SMYD3: variants seen among roughly 807,000 people sequenced by gnomAD.
SMYD3 encodes the protein SET and MYND domain containing 3.
In SMYD3, 36 loss-of-function variants were observed where a neutral mutation model predicts 57.7. The observed-to-expected ratio is 0.62, with a 90% confidence interval of 0.48 to 0.82. The LOEUF is 0.82. Ranked by LOEUF, SMYD3 falls within the 40% of genes least tolerant of loss-of-function variation. SMYD3 has a pLI of 0.00. For synonymous variants in SMYD3, 211 were observed against 195.0 expected (o/e 1.08, Z -0.68); for missense variants, 515 against 538.8 (o/e 0.96, Z 0.44).
At chr1:246,084,665 G>C (rs2060695195) in intron 5 of SMYD3, among the ~76,000 whole-genome samples, 1 of 152,084 alleles carries the variant, frequency 6.6e-6, no homozygotes, top group African/African-American at 2.4e-5. Context: ...GTATTTACGA[G>C]GGTCATTGTT....
chr1:245,839,454 C>T lies in SMYD3; in HGVS notation c.1076+19042G>A, dbSNP rs541078510. Among the ~76,000 whole-genome samples the T allele has an allele frequency of 2.6e-5, 4 of 151,954 alleles. No homozygotes were observed. The East Asian group carries it at 5.8e-4, about 22-fold the overall frequency. On this transcript the variant is annotated intron_variant, in intron 10 of 11. Transcript: ENST00000490107. Reference sequence around the variant, plus strand: ...AAAGTGCTGGGATTACAGGCATGAGCCACTGTGCCCAGCCCAGGCCAGCCT... The same window carrying T: ...AAAGTGCTGGGATTACAGGCATGAGTCACTGTGCCCAGCCCAGGCCAGCCT...
At chr1:245,866,510 T>C (rs1249797322) in intron 8 of SMYD3, among the ~76,000 whole-genome samples, 2 of 152,072 alleles carry the variant, frequency 1.3e-5, no homozygotes, top group Admixed American at 6.5e-5. Flanking sequence ...GACAGGTGGA[T>C]CACCTGAGGT....
At chr1:245,920,119 C>T (rs4654170) in intron 7 of SMYD3, among the ~76,000 whole-genome samples, 7 of 151,844 alleles carry the variant, frequency 4.6e-5, no homozygotes, top group Admixed American at 2.6e-4. Context: ...TGAGACCATC[C>T]TGGCTAACAC....
intron 5 of SMYD3, among the ~76,000 whole-genome samples, chr1:245,983,263 A>G (rs2058638342): frequency 6.6e-6 from 1 of 152,252 alleles, no homozygotes; most frequent in Non-Finnish European, 1.5e-5. Flanking sequence ...ATATAAATGC[A>G]TTTTCATCAA....
intron 5 of SMYD3, among the ~76,000 whole-genome samples, chr1:246,025,099 T>C (rs1286563301): frequency 7.1e-6 from 1 of 141,542 alleles, no homozygotes; most frequent in African/African-American, 2.8e-5. Flanking sequence ...GTGGACAGCA[T>C]CTAGGAAGGA....
intron 10 of SMYD3, among the ~76,000 whole-genome samples, chr1:245,826,334 G>A (rs1232267413): frequency 1.3e-5 from 2 of 152,046 alleles, no homozygotes; most frequent in Non-Finnish European, 2.9e-5. Flanking sequence ...GTGTCTGCAA[G>A]CTTCATCCAT....
Position 245,959,259 on chromosome 1 carries a change from G to T in SMYD3, c.532-29322C>A, listed in dbSNP as rs190134109. Among the ~76,000 whole-genome samples the T allele has an allele frequency of 2.4e-3, 368 of 152,320 alleles. 2 individuals are homozygous for T. The highest frequency in any genetic ancestry group is 4.6e-3 in the Non-Finnish European group (310 of 68,030). On this transcript the variant is annotated intron_variant, in intron 5 of 11. Transcript: ENST00000490107. ...TTACAGGCATGAGCCACCATGCCCG[G>T]CCAAGAGCTCTTTACACTAAGTGAG...
rs2067719462 is a variant in SMYD3, at chr1:246,457,544, A to AAAAAAAAAAAG, written c.164+49509_164+49510insCTTTTTTTTTT. Among the ~76,000 whole-genome samples the AAAAAAAAAAAG allele has an allele frequency of 1.2e-3, 102 of 87,264 alleles. 1 individual carries two copies. The highest frequency in any genetic ancestry group is 2.3e-3 in the Non-Finnish European group (93 of 40,316). 57.2% of individuals were successfully genotyped at this position (87,264 alleles called of 152,430 possible). A position where few individuals can be genotyped will look rare whatever the true frequency, so the allele number is the denominator to read the frequency against. On this transcript the variant is annotated intron_variant, in intron 1 of 11. Coordinates refer to ENST00000490107, the MANE Select transcript of SMYD3 (RefSeq NM_001167740.2). ...CGAGACTCTGCCTCAAAAAAAAAAA[A>AAAAAAAAAAAG]AAAAGAAAAGAAAAGAAAAGAAAAG... is the stretch of plus-strand genomic sequence containing the variant.
intron 5 of SMYD3, among the ~76,000 whole-genome samples, chr1:246,266,789 A>T (rs1367999700): frequency 2.2e-5 from 3 of 135,826 alleles, no homozygotes; most frequent in African/African-American, 7.5e-5. Flanking sequence ...GACAGAAAGA[A>T]AGAGAGAAAG....
intron 1 of SMYD3, among the ~76,000 whole-genome samples, chr1:246,459,256 T>C (rs746435160): frequency 6.8e-6 from 1 of 147,778 alleles, no homozygotes; most frequent in South Asian, 2.2e-4. Flanking sequence ...GCTCTGCTGT[T>C]CTCGTGATAG....
rs555365750 is a variant in SMYD3, at chr1:246,096,323, ATAT to A, written c.532-166389_532-166387del. ...GAGCAAGCAGAATAGATGATCTGAA[ATAT>A]TAATCCTAAACGGGTCTTGCCAGTG... On this transcript the variant is annotated intron_variant, in intron 5 of 11. Coordinates refer to ENST00000490107, the MANE Select transcript of SMYD3 (RefSeq NM_001167740.2). 1.7e-4 allele frequency: 26 copies of A among 152,350 alleles called. 1 individual carries two copies. The East Asian group carries it at 4.6e-3, about 27-fold the overall frequency. The allele number at this position is 152,350 out of a possible 1,614,324, so 9.4% of individuals were successfully genotyped here.
chr1:246,477,769 C>G (rs1489322950), intron 1 of SMYD3, among the ~76,000 whole-genome samples: 1 of 152,202 alleles, frequency 6.6e-6, no homozygotes, highest in Admixed American at 6.5e-5. Context: ...AGGGCTTCTC[C>G]TGTGAGCCAT....
chr1:246,175,504 G>A (rs571677081), intron 5 of SMYD3, among the ~76,000 whole-genome samples: 1 of 152,280 alleles, frequency 6.6e-6, no homozygotes, highest in East Asian at 1.9e-4. Flanking sequence ...TCTACCACCT[G>A]AGGATTAAAA....
chr1:246,297,036 G>A (rs2064808283), intron 5 of SMYD3, among the ~76,000 whole-genome samples: 2 of 152,240 alleles, frequency 1.3e-5, no homozygotes, highest in East Asian at 1.9e-4. Flanking sequence ...AATAGTTTGG[G>A]CAATGATTCA....
intron 5 of SMYD3, among the ~76,000 whole-genome samples, chr1:245,999,855 TTAA>T (rs2059005564): frequency 6.6e-6 from 1 of 152,210 alleles, no homozygotes; most frequent in Non-Finnish European, 1.5e-5. Context: ...AAAATCTGCT[TTAA>T]AATCCTGGCT....
intron 5 of SMYD3, among the ~76,000 whole-genome samples, chr1:245,993,180 C>T (rs10924431): frequency 0.51 from 76,999 of 151,660 alleles, 23,170 homozygotes; most frequent in Middle Eastern, 0.69. Context: ...TTCTTCTCAT[C>T]ATAACCCTCT....
chr1:245,979,683 TTTG>T (rs1206155024), intron 5 of SMYD3, among the ~76,000 whole-genome samples: 2 of 152,038 alleles, frequency 1.3e-5, no homozygotes, highest in Non-Finnish European at 2.9e-5. Context: ...TGAAAAAAAT[TTTG>T]TTGTTTTAAG....
intron 5 of SMYD3, among the ~76,000 whole-genome samples, chr1:246,194,475 G>A (rs767154243): frequency 6.6e-6 from 1 of 152,136 alleles, no homozygotes; most frequent in East Asian, 1.9e-4. Context: ...CACTATATCG[G>A]CCAGGCTGGT....
At chr1:245,780,462 A>G (rs1259268180) in intron 10 of SMYD3, among the ~76,000 whole-genome samples, 1 of 152,188 alleles carries the variant, frequency 6.6e-6, no homozygotes. Context: ...GTGAAATGGT[A>G]TATGACAAAT....
Sources: allele counts gnomAD v4.1 joint callset (sites outside exome capture counted in the v4.1 genomes callset), GRCh38; gene constraint gnomAD v4.1.1; transcripts MANE v1.5; gene names NCBI Gene and HGNC (gene_info 2026-07-23, HGNC 2026-07-21).